The following FYB1 variants were observed in gnomAD, a reference collection of about 807,000 sequenced individuals.
FYB1 encodes FYN binding protein 1.
Under a neutral mutation model 94.1 loss-of-function variants are expected in FYB1, and 41 were observed. That is an observed-to-expected ratio of 0.44 (90% CI 0.34 to 0.57). The LOEUF (loss-of-function observed/expected upper bound fraction) is 0.57, where lower values mean the gene tolerates loss of function less well. FYB1 is among the 20% of genes least tolerant of loss of function. The pLI is 0.02. For missense variants in FYB1, 1,050 were observed against 976.8 expected, an observed-to-expected ratio of 1.07 and a Z score of -1.00; for synonymous variants, 367 against 353.2, an observed-to-expected ratio of 1.04 and a Z score of -0.44.
chr5:39,142,799 G>T (rs1742304332), intron 3 of FYB1, among the ~76,000 whole-genome samples: 1 of 152,078 alleles, frequency 6.6e-6, no homozygotes, highest in African/African-American at 2.4e-5. Context: ...AAAAATACTA[G>T]CTACCAAATC....
intron 2 of FYB1, among the ~76,000 whole-genome samples, chr5:39,158,732 G>T (rs926383679): frequency 1.3e-5 from 2 of 152,068 alleles, no homozygotes; most frequent in Non-Finnish European, 2.9e-5. Context: ...TTCATGTCCC[G>T]AGGGGCATAA....
At chr5:39,238,052 G>A (rs1411085703) in intron 1 of FYB1, among the ~76,000 whole-genome samples, 1 of 151,954 alleles carries the variant, frequency 6.6e-6, no homozygotes, top group South Asian at 2.1e-4. Context: ...ATTCAGAATG[G>A]TTTATTGACC....
intron 1 of FYB1, among the ~76,000 whole-genome samples, chr5:39,230,265 A>C (rs1047704950): frequency 6.6e-6 from 1 of 152,228 alleles, no homozygotes; most frequent in Non-Finnish European, 1.5e-5. Flanking sequence ...CAGGAAGGCC[A>C]GTGTCAGAGT....
At chr5:39,196,211 T>C (rs1370915078) in intron 2 of FYB1, among the ~76,000 whole-genome samples, 3 of 147,862 alleles carry the variant, frequency 2.0e-5, no homozygotes, top group African/African-American at 7.4e-5. Flanking sequence ...ATTCTTTCTT[T>C]TTTTTTTTTT....
intron 12 of FYB1, among the ~76,000 whole-genome samples, chr5:39,124,915 CCACACACACA>C (rs56887056): frequency 6.1e-4 from 85 of 139,554 alleles, no homozygotes; most frequent in Non-Finnish European, 1.0e-3. Context: ...TAAATACACT[CCACACACACA>C]CACACACACA....
chr5:39,164,448 G>A (rs1334982244), intron 2 of FYB1, among the ~76,000 whole-genome samples: 1 of 152,096 alleles, frequency 6.6e-6, no homozygotes, highest in Non-Finnish European at 1.5e-5. Flanking sequence ...TTGTTGAGAT[G>A]GAGTTTTGCC....
At chr5:39,235,572 TG>T (rs1369252335) in intron 1 of FYB1, among the ~76,000 whole-genome samples, 4 of 137,086 alleles carry the variant, frequency 2.9e-5, no homozygotes, top group African/African-American at 7.0e-5. Context: ...AATCTTTACT[TG>T]TTTTTTTTTT....
chr5:39,222,329 T>C (rs1319573554), upstream of FYB1, among the ~76,000 whole-genome samples: 2 of 152,202 alleles, frequency 1.3e-5, no homozygotes. Context: ...GATTTCCAGC[T>C]TGTAGTACAT....
intron 1 of FYB1, among the ~76,000 whole-genome samples, chr5:39,233,928 T>C (rs1750851330): frequency 6.6e-6 from 1 of 152,122 alleles, no homozygotes; most frequent in Non-Finnish European, 1.5e-5. Flanking sequence ...AGTTTTGACA[T>C]TGTGCGTTGC....
At chr5:39,146,107 G>T (rs558147428) in intron 3 of FYB1, among the ~76,000 whole-genome samples, 1 of 151,774 alleles carries the variant, frequency 6.6e-6, no homozygotes, top group African/African-American at 2.4e-5. Context: ...TAGAGACAGG[G>T]TTTCACCATG....
intron 1 of FYB1, among the ~76,000 whole-genome samples, chr5:39,258,023 A>G (rs2111574818): frequency 6.6e-6 from 1 of 152,296 alleles, no homozygotes; most frequent in East Asian, 1.9e-4. Context: ...GTTAATACAC[A>G]GGTGGCTGGG....
intron 2 of FYB1, among the ~76,000 whole-genome samples, chr5:39,160,117 T>G (rs1352587472): frequency 8.5e-5 from 13 of 152,236 alleles, no homozygotes; most frequent in Non-Finnish European, 1.5e-5. Context: ...ATTCAACCAC[T>G]TTTATATCAA....
chr5:39,202,696 C>T lies in FYB1; in HGVS notation c.265G>A (p.Gly89Ser), dbSNP rs749933445. 3 of 1,613,814 alleles carry T rather than the reference C, an allele frequency of 1.9e-6. No homozygotes were observed. In the South Asian group the frequency reaches 3.3e-5, roughly 18 times the overall value. ...KPPFLKPTGA[G>S]QRFGTPASLT... ...CTGGCTGGTGTTCCGAATCTTTGGCCTGCTCCAGTGGGCTTTAGAAACGGG... is the reference window on the plus strand; with the variant it reads ...CTGGCTGGTGTTCCGAATCTTTGGCTTGCTCCAGTGGGCTTTAGAAACGGG... The change falls in exon 2 of 19, where the codon GGC (glycine) becomes AGC (serine). Residue 89 changes from glycine to serine, a missense_variant. By Grantham distance (56) the Gly-to-Ser change is moderately conservative. Coordinates refer to ENST00000512982, the MANE Select transcript of FYB1 (RefSeq NM_001465.6).
chr5:39,261,990 G>A (rs1443500254), intron 1 of FYB1, among the ~76,000 whole-genome samples: 1 of 151,878 alleles, frequency 6.6e-6, no homozygotes, highest in African/African-American at 2.4e-5. Flanking sequence ...AAATATAAAT[G>A]GTATCCTTAT....
At position 39,122,410 on chromosome 5, in the gene FYB1, AAGAC is replaced by A. The variant is rs1459021565; in HGVS notation, c.2072-12_2072-9del. The A allele has an allele frequency of 2.6e-6, 4 of 1,533,868 alleles. No individual in the cohort carries two copies. In the Admixed American group the frequency reaches 7.4e-5, roughly 28 times the overall value. On this transcript the variant is annotated splice_polypyrimidine_tract_variant and intron_variant, in intron 13 of 18. Transcript: ENST00000512982. ...AAACTTCATCTCCCATGTCTAACAAAAGACAGAATATCAAAGGTTGAAACACTGT... is the reference window on the plus strand; with the variant it reads ...AAACTTCATCTCCCATGTCTAACAAAAGAATATCAAAGGTTGAAACACTGT...
rs78754868 is a variant in FYB1 at position 39,178,959 on chromosome 5, C to T, written c.1135+22867G>A. ...AATCTTCTATCTAGCCCTGGCTTTC[C>T]GCGGGCTGGGGCACAGAAGAGTCCA... On this transcript the variant is annotated intron_variant, in intron 2 of 18. Coordinates refer to ENST00000512982, the MANE Select transcript of FYB1 (RefSeq NM_001465.6). 5.1e-3 allele frequency among the ~76,000 whole-genome samples: 781 copies of T among 152,222 alleles called. 6 individuals carry two copies. The highest frequency in any genetic ancestry group is 0.018 in the African/African-American group (749 of 41,536).
intron 2 of FYB1, among the ~76,000 whole-genome samples, chr5:39,160,694 T>C (rs1470524999): frequency 6.6e-6 from 1 of 152,242 alleles, no homozygotes; most frequent in Non-Finnish European, 1.5e-5. Context: ...ATGGGACTAC[T>C]GACTCTTAAC....
intron 3 of FYB1, among the ~76,000 whole-genome samples, chr5:39,147,452 C>CTG (rs71606520): frequency 0.071 from 10,216 of 144,314 alleles, 448 homozygotes; most frequent in East Asian, 0.16. Context: ...GTACATATGC[C>CTG]TGTGTGTGTG....
intron 1 of FYB1, among the ~76,000 whole-genome samples, chr5:39,207,634 G>A (rs1452014603): frequency 6.6e-6 from 1 of 152,106 alleles, no homozygotes; most frequent in Non-Finnish European, 1.5e-5. Flanking sequence ...CATCTACATA[G>A]TTTCATTTGG....
Sources: allele counts gnomAD v4.1 joint callset (sites outside exome capture counted in the v4.1 genomes callset), GRCh38; gene constraint gnomAD v4.1.1; transcripts MANE v1.5; gene names NCBI Gene and HGNC (gene_info 2026-07-23, HGNC 2026-07-21).